Variants in ITPKB observed in about 807,000 individuals in gnomAD.
ITPKB encodes the protein inositol-trisphosphate 3-kinase B.
Under a neutral mutation model 69.4 loss-of-function variants are expected in ITPKB, and 13 were observed. The observed-to-expected ratio is 0.19, with a 90% CI of 0.12 to 0.30. ITPKB has a LOEUF of 0.30. ITPKB is among the 10% of genes least tolerant of loss of function. The probability of loss-of-function intolerance (pLI) is 1.00; values close to 1 mark genes in which losing one functional copy is unlikely to be tolerated. For synonymous variants in ITPKB, 584 were observed against 513.7 expected, an observed-to-expected ratio of 1.14 and a Z score of -1.85; for missense variants, 1,240 against 1,250.5, an observed-to-expected ratio of 0.99 and a Z score of 0.13.
At chr1:226,696,765 CACTT>C (rs1156962104) in intron 2 of ITPKB, among the ~76,000 whole-genome samples, 1 of 152,198 alleles carries the variant, frequency 6.6e-6, no homozygotes, top group Non-Finnish European at 1.5e-5. Flanking sequence ...TGTCTCATCA[CACTT>C]ACTAAGGCCT....
At chr1:226,701,729 G>C (rs1245928688) in intron 2 of ITPKB, among the ~76,000 whole-genome samples, 1 of 152,128 alleles carries the variant, frequency 6.6e-6, no homozygotes, top group African/African-American at 2.4e-5. Context: ...GGAGTAGGAG[G>C]GGTGGGACAG....
intron 2 of ITPKB, among the ~76,000 whole-genome samples, chr1:226,722,563 A>G (rs559957962): frequency 1.1e-4 from 17 of 152,144 alleles, no homozygotes; most frequent in Admixed American, 5.9e-4. Flanking sequence ...GATCGAAACT[A>G]ATTACCATTC....
At chr1:226,680,199 G>A (rs895176528) in intron 2 of ITPKB, among the ~76,000 whole-genome samples, 5 of 152,224 alleles carry the variant, frequency 3.3e-5, no homozygotes, top group African/African-American at 7.2e-5. Context: ...CCGCGACCAC[G>A]TGAGCACGGA....
chr1:226,706,467 G>C (rs1656803438), intron 2 of ITPKB, among the ~76,000 whole-genome samples: 1 of 152,210 alleles, frequency 6.6e-6, no homozygotes, highest in Non-Finnish European at 1.5e-5. Flanking sequence ...CTGTGGGCTA[G>C]GATCTAGACA....
intron 2 of ITPKB, among the ~76,000 whole-genome samples, chr1:226,666,319 C>T (rs995004315): frequency 1.6e-4 from 25 of 152,276 alleles, no homozygotes; most frequent in Admixed American, 1.1e-3. Flanking sequence ...AAGCCAGAGG[C>T]GCTCAGAGGG....
chr1:226,669,051 A>C (rs577435517), intron 2 of ITPKB: 1 of 152,320 alleles, frequency 6.6e-6, no homozygotes, highest in South Asian at 2.1e-4. Flanking sequence ...GGCCATTATC[A>C]TCATCATTAT....
At chr1:226,707,424 T>C (rs1656829601) in intron 2 of ITPKB, 8 of 494,154 alleles carry the variant, frequency 1.6e-5, no homozygotes, top group African/African-American at 2.1e-5. Flanking sequence ...CTCAATCTCT[T>C]GACCTCAGGT....
intron 2 of ITPKB, among the ~76,000 whole-genome samples, chr1:226,683,866 AACTTC>A (rs1656140834): frequency 6.6e-6 from 1 of 152,044 alleles, no homozygotes; most frequent in East Asian, 1.9e-4. Context: ...CATCTTACCA[AACTTC>A]ACTTTAAAGA....
chr1:226,711,429 GAGAGAGA>G (rs1250432735), intron 2 of ITPKB, among the ~76,000 whole-genome samples: 27 of 128,214 alleles, frequency 2.1e-4, no homozygotes, highest in African/African-American at 7.1e-4. Context: ...GAGAGAGAGA[GAGAGAGA>G]GAGAGAGTGT....
At chr1:226,687,234 C>G (rs1304795858) in intron 2 of ITPKB, among the ~76,000 whole-genome samples, 1 of 152,310 alleles carries the variant, frequency 6.6e-6, no homozygotes, top group South Asian at 2.1e-4. Flanking sequence ...AGAAATAGTG[C>G]AGAATGCTGC....
chr1:226,736,339 T>C lies in ITPKB; in HGVS notation c.1120A>G (p.Lys374Glu). The C allele has an allele frequency of 1.2e-6, 2 of 1,612,446 alleles. No individual in the cohort carries two copies. Among genetic ancestry groups the C allele is most frequent in the African/African-American group, 1.3e-5 (1 of 75,008 alleles). The change falls in exon 2 of 8, where the codon AAA (lysine) becomes GAA (glutamate). Residue 374 changes from lysine to glutamate, a missense_variant. Lys to Glu is a moderately conservative substitution (Grantham distance 56). This residue lies in a region of ITPKB where 992 missense variants were observed against 853.8 expected (regional missense o/e 1.16). Transcript: ENST00000429204. ...GGCATGCCACAGGGCAGATATCCTT[T>C]CCCCATCTTCCCAGGGGGTTCTCCA... ...RDGEPPGKMG[K>E]GYLPCGMPGS...
chr1:226,636,427 C>T (rs764840152), intron 7 of ITPKB, among the ~76,000 whole-genome samples: 3 of 152,236 alleles, frequency 2.0e-5, no homozygotes, highest in Non-Finnish European at 2.9e-5. Context: ...CCTCTCCAGG[C>T]GCCCCGCAGG....
intron 2 of ITPKB, among the ~76,000 whole-genome samples, chr1:226,714,759 G>A (rs906905695): frequency 6.6e-6 from 1 of 152,196 alleles, no homozygotes; most frequent in Non-Finnish European, 1.5e-5. Context: ...GCAGGAATTG[G>A]GACTTCACAC....
At chr1:226,707,384 A>AC (rs1656828042) in intron 2 of ITPKB, 1 of 269,350 alleles carries the variant, frequency 3.7e-6, no homozygotes, top group African/African-American at 2.3e-5. Context: ...TTTAGTAGAG[A>AC]CGGGGTTTCA....
chr1:226,701,595 C>T (rs1227029013), intron 2 of ITPKB, among the ~76,000 whole-genome samples: 2 of 112,436 alleles, frequency 1.8e-5, no homozygotes, highest in Non-Finnish European at 1.7e-5. Context: ...AAGAGTGAGA[C>T]TCCGTCTCAA....
chr1:226,685,726 C>T (rs745320361), intron 2 of ITPKB, among the ~76,000 whole-genome samples: 8 of 152,230 alleles, frequency 5.3e-5, no homozygotes, highest in Non-Finnish European at 8.8e-5. Context: ...GAATGTTCAG[C>T]ATGTAACAGG....
chr1:226,721,743 C>A (rs1657249047), intron 2 of ITPKB, among the ~76,000 whole-genome samples: 1 of 152,110 alleles, frequency 6.6e-6, no homozygotes, highest in South Asian at 2.1e-4. Context: ...GATCCACCTG[C>A]CTCAGCCTCC....
intron 2 of ITPKB, among the ~76,000 whole-genome samples, chr1:226,716,634 C>G (rs1029674490): frequency 6.6e-6 from 1 of 152,200 alleles, no homozygotes; most frequent in Non-Finnish European, 1.5e-5. Context: ...TGTTGAACAA[C>G]TGCAACCAGC....
intron 3 of ITPKB, among the ~76,000 whole-genome samples, chr1:226,647,988 C>T (rs185763301): frequency 9.1e-4 from 138 of 152,338 alleles, no homozygotes; most frequent in Non-Finnish European, 1.6e-3. Flanking sequence ...GGTGAAGTCA[C>T]GAAGGCCAAG....
Sources: gnomAD v4.1 joint callset for allele counts (sites outside exome capture counted in the v4.1 genomes callset) on GRCh38, gnomAD v4.1.1 for gene constraint, gnomAD v4.1.1 regional missense constraint, MANE v1.5 for transcripts, NCBI Gene and HGNC (gene_info 2026-07-23, HGNC 2026-07-21) for gene names.